The following TRPC7 variants were observed in gnomAD, a reference collection of about 807,000 sequenced individuals.
TRPC7 encodes the protein transient receptor potential cation channel subfamily C member 7.
A neutral mutation model predicts 90.1 loss-of-function variants in TRPC7; 42 were observed. The observed-to-expected ratio is 0.47, with a 90% CI of 0.36 to 0.60. The LOEUF (loss-of-function observed/expected upper bound fraction) is 0.60. Among genes scored for constraint, TRPC7 ranks in the 20% least tolerant of loss-of-function variants. TRPC7 has a pLI of 0.00. For synonymous variants in TRPC7, 451 were observed against 436.3 expected (o/e 1.03, Z -0.42); for missense variants, 955 against 1,112.3 (o/e 0.86, Z 2.01).
intron 3 of TRPC7, among the ~76,000 whole-genome samples, chr5:136,285,034 A>G (rs748937978): frequency 3.3e-5 from 5 of 152,254 alleles, no homozygotes; most frequent in Non-Finnish European, 7.3e-5. Flanking sequence ...AAGGGCACAG[A>G]TTAAGAACTT....
At chr5:136,240,537 A>G (rs1756128075) in intron 7 of TRPC7, among the ~76,000 whole-genome samples, 1 of 152,250 alleles carries the variant, frequency 6.6e-6, no homozygotes, top group African/African-American at 2.4e-5. Flanking sequence ...AAGCTGAGAT[A>G]TGTAGAATCA....
At chr5:136,345,334 T>C (rs1364477055) in intron 2 of TRPC7, among the ~76,000 whole-genome samples, 25 of 152,140 alleles carry the variant, frequency 1.6e-4, no homozygotes, top group Admixed American at 1.6e-3. Flanking sequence ...GGCGGGCAGA[T>C]CACCTGAGGT....
chr5:136,233,198 T>G (rs982549579), intron 7 of TRPC7, among the ~76,000 whole-genome samples: 2 of 152,260 alleles, frequency 1.3e-5, no homozygotes, highest in Non-Finnish European at 2.9e-5. Context: ...TGTCAGTGTT[T>G]GTTTTTAGTT....
At position 136,251,697 on chromosome 5, in the gene TRPC7, T is replaced by C. The variant is rs1180377838; in HGVS notation, c.1531A>G (p.Thr511Ala). The change falls in exon 6 of 12, where the codon ACG (threonine) becomes GCG (alanine). Residue 511 changes from threonine (T) to alanine (A), a missense_variant. Physicochemically the swap from Thr to Ala is moderately conservative, Grantham distance 58. Transcript: ENST00000513104. ...GGCGGAAGCGAGACATTGTGCAGCG[T>C]GTCGTCCTGCACGTGCTGGTCCACG... The part of the protein sequence containing the change: ...LYVDQHVQDD[T>A]LHNVSLPPEV... 1 of 1,613,630 alleles carries C rather than the reference T, an allele frequency of 6.2e-7. No homozygotes were observed. Among genetic ancestry groups the C allele is most frequent in the Admixed American group, 1.7e-5 (1 of 60,010 alleles).
rs114380365 is a variant in TRPC7 at position 136,232,875 on chromosome 5, C to T, written c.1845-1326G>A. On this transcript the variant is annotated intron_variant, in intron 7 of 11. Coordinates refer to ENST00000513104, the MANE Select transcript of TRPC7 (RefSeq NM_020389.3). Reference sequence around the variant, plus strand: ...CTGTAAGAAAGCACTTTTTTTTTTCCTCTTTAACATTTCAGGTTTTCAACA... The same window carrying T: ...CTGTAAGAAAGCACTTTTTTTTTTCTTCTTTAACATTTCAGGTTTTCAACA... Among the ~76,000 whole-genome samples, 749 of 150,658 alleles carry T rather than the reference C, an allele frequency of 5.0e-3. 7 individuals carry two copies. The highest frequency in any genetic ancestry group is 0.017 in the African/African-American group (704 of 41,110).
At chr5:136,355,214 G>A (rs1250254353) in intron 2 of TRPC7, among the ~76,000 whole-genome samples, 2 of 152,204 alleles carry the variant, frequency 1.3e-5, no homozygotes, top group African/African-American at 2.4e-5. Context: ...TCTGCAGTGG[G>A]CAATCCTTTA....
chr5:136,344,026 C>T (rs1759928153), intron 2 of TRPC7, among the ~76,000 whole-genome samples: 1 of 152,114 alleles, frequency 6.6e-6, no homozygotes, highest in South Asian at 2.1e-4. Context: ...AGAGAATCAA[C>T]CTCAATGCTC....
At chr5:136,343,038 T>C (rs1292910252) in intron 2 of TRPC7, among the ~76,000 whole-genome samples, 1 of 151,950 alleles carries the variant, frequency 6.6e-6, no homozygotes, top group Non-Finnish European at 1.5e-5. Context: ...ACTGGGAAAC[T>C]AAACATACAG....
intron 7 of TRPC7, among the ~76,000 whole-genome samples, chr5:136,232,336 A>G (rs2149797506): frequency 6.6e-6 from 1 of 152,322 alleles, no homozygotes; most frequent in Middle Eastern, 3.4e-3. Context: ...GGAGTCTGAC[A>G]CTTCTAGGCA....
At chr5:136,309,694 C>T (rs1333300237) in intron 3 of TRPC7, among the ~76,000 whole-genome samples, 1 of 152,204 alleles carries the variant, frequency 6.6e-6, no homozygotes, top group African/African-American at 2.4e-5. Context: ...ATGCAGGAAA[C>T]ATTTAAGAGG....
intron 4 of TRPC7, among the ~76,000 whole-genome samples, chr5:136,269,691 T>C (rs1047823700): frequency 6.6e-6 from 1 of 152,228 alleles, no homozygotes; most frequent in Admixed American, 6.5e-5. Flanking sequence ...CCCAAAAGAA[T>C]CATGCACAGC....
At chr5:136,221,107 A>ATG (rs1186645599) in intron 10 of TRPC7, among the ~76,000 whole-genome samples, 305 of 123,568 alleles carry the variant, frequency 2.5e-3, no homozygotes, top group East Asian at 0.014. Flanking sequence ...GTGTGTGTGT[A>ATG]TGTGTCTGTG....
intron 3 of TRPC7, among the ~76,000 whole-genome samples, chr5:136,283,765 T>TACTGC (rs1409643253): frequency 1.3e-5 from 2 of 152,290 alleles, no homozygotes; most frequent in East Asian, 3.9e-4. Context: ...CAACCTTATT[T>TACTGC]CCTGCCCTTT....
rs374466110 is a variant in TRPC7 at position 136,334,753 on chromosome 5, CA to C, written c.781-18975del. 2.0e-3 allele frequency among the ~76,000 whole-genome samples: 298 copies of C among 152,300 alleles called. 1 individual carries two copies. The highest frequency in any genetic ancestry group is 6.5e-3 in the African/African-American group (271 of 41,568). On this transcript the variant is annotated intron_variant, in intron 2 of 11. Transcript: ENST00000513104. ...CTACAAGACTTAATAAATGTTGTGT[CA>C]ATTGAAATGACTTAATACATACTCT... is the stretch of plus-strand genomic sequence containing the variant.
At chr5:136,257,819 T>C (rs1219681073) in intron 5 of TRPC7, among the ~76,000 whole-genome samples, 2 of 152,128 alleles carry the variant, frequency 1.3e-5, no homozygotes, top group Non-Finnish European at 2.9e-5. Context: ...GATAGAAAAA[T>C]AGTGTTTGTT....
At chr5:136,312,676 T>G (rs577592337) in intron 3 of TRPC7, among the ~76,000 whole-genome samples, 94 of 152,270 alleles carry the variant, frequency 6.2e-4, no homozygotes, top group Non-Finnish European at 1.2e-3. Flanking sequence ...TGAACCATGG[T>G]GGGTGACTTA....
intron 5 of TRPC7, among the ~76,000 whole-genome samples, chr5:136,264,089 G>A (rs1355247798): frequency 6.6e-6 from 1 of 152,198 alleles, no homozygotes; most frequent in Non-Finnish European, 1.5e-5. Flanking sequence ...CAACACTTCT[G>A]ATTTAACAGT....
rs186584338 is a variant in TRPC7, at chr5:136,304,889, G to A, written c.963+10708C>T. The stretch of plus-strand genomic sequence containing the variant: ...GAATTCTTACACAAGAGCCAGGACC[G>A]TACCCTGTAGCCTTTCTGTCCAAAC... On this transcript the variant is annotated intron_variant, in intron 3 of 11. Coordinates refer to ENST00000513104, the MANE Select transcript of TRPC7 (RefSeq NM_020389.3). Among the ~76,000 whole-genome samples, 200 of 152,290 alleles carry A rather than the reference G, an allele frequency of 1.3e-3. 2 individuals carry two copies. The highest frequency in any genetic ancestry group is 4.6e-3 in the African/African-American group (190 of 41,566).
rs371141920 is a variant in TRPC7, at chr5:136,251,721, C to T, written c.1507G>A (p.Val503Met). ...FLKATEAQLY[V>M]DQHVQDDTLH... ...GTGTCGTCCTGCACGTGCTGGTCCACGTACAGCTGTGCCTCCGTGGCCTTC... is the reference window on the plus strand; with the variant it reads ...GTGTCGTCCTGCACGTGCTGGTCCATGTACAGCTGTGCCTCCGTGGCCTTC... Residue 503 changes from valine (V) to methionine (M), a missense_variant, in exon 6 of 12, where the codon GTG (valine) becomes ATG (methionine). Coordinates refer to ENST00000513104, the MANE Select transcript of TRPC7 (RefSeq NM_020389.3). 24 of 1,613,834 alleles carry T rather than the reference C, an allele frequency of 1.5e-5. No homozygotes were observed. The highest frequency in any genetic ancestry group is 1.5e-4 in the African/African-American group (11 of 74,922).
Sources: allele counts gnomAD v4.1 joint callset (sites outside exome capture counted in the v4.1 genomes callset), GRCh38; gene constraint gnomAD v4.1.1; transcripts MANE v1.5; gene names NCBI Gene and HGNC (gene_info 2026-07-23, HGNC 2026-07-21).